Variants in KLRG1 observed in about 807,000 individuals in gnomAD.
The protein encoded by KLRG1 is killer cell lectin-like receptor subfamily G member 1.
A neutral mutation model predicts 21.8 loss-of-function variants in KLRG1; 16 were observed. The ratio of observed to expected loss-of-function variants is 0.73; its 90% CI spans 0.50 to 1.11. The LOEUF (loss-of-function observed/expected upper bound fraction) is 1.11. Ranked by LOEUF, KLRG1 falls within the 50% of genes most tolerant of loss-of-function variation. The probability of loss-of-function intolerance (pLI) is 0.00; values close to 1 mark genes in which losing one functional copy is unlikely to be tolerated. For missense variants in KLRG1, 173 were observed against 218.3 expected, an observed-to-expected ratio of 0.79 and a Z score of 1.31; for synonymous variants, 69 against 75.9, an observed-to-expected ratio of 0.91 and a Z score of 0.47.
the KLRG1 span, chr12:9,153,361 A>T: frequency 1.8e-5 from 28 of 1,595,998 alleles, no homozygotes; most frequent in East Asian, 6.3e-4. Flanking sequence ...AGACGAGTGG[A>T]CAACCGCCCC....
intron 3 of KLRG1, 102 bp from the exon 4 acceptor site, chr12:9,008,873 T>C: frequency 1.3e-6 from 1 of 743,684 alleles, no homozygotes; most frequent in Non-Finnish European, 2.3e-6. Flanking sequence ...AGTTTGTCTT[T>C]TAATTAATTA....
the KLRG1 span, chr12:9,106,521 T>C: frequency 6.3e-7 from 1 of 1,598,594 alleles, no homozygotes; most frequent in Admixed American, 1.7e-5. Context: ...TGGGCCTCAG[T>C]GTGAAGTTTC....
At chr12:9,185,277 G>A in the KLRG1 span, among the ~76,000 whole-genome samples, 5 of 152,272 alleles carry the variant, frequency 3.3e-5, no homozygotes, top group South Asian at 2.1e-4. Flanking sequence ...CAAGAATTTC[G>A]TAATGCAATC....
At chr12:8,977,785 TGA>T (rs1380503772) in intron 1 of KLRG1, among the ~76,000 whole-genome samples, 3 of 152,206 alleles carry the variant, frequency 2.0e-5, no homozygotes, top group Non-Finnish European at 2.9e-5. Context: ...TAATCTATTT[TGA>T]GTTGATAATT....
At chr12:9,067,515 G>A in the KLRG1 span, 4 of 440,562 alleles carry the variant, frequency 9.1e-6, no homozygotes, top group African/African-American at 8.0e-5. Flanking sequence ...CACTTTCCTA[G>A]TACATAACCC....
intron 1 of KLRG1, among the ~76,000 whole-genome samples, chr12:8,962,126 C>T (rs1946391976): frequency 6.6e-6 from 1 of 151,150 alleles, no homozygotes; most frequent in African/African-American, 2.4e-5. Flanking sequence ...TGATCTATAA[C>T]AAGGAGAAAA....
the KLRG1 span, among the ~76,000 whole-genome samples, chr12:9,075,757 T>G: frequency 6.2e-4 from 94 of 152,250 alleles, no homozygotes; most frequent in African/African-American, 2.0e-3. Context: ...TATAAGGAAA[T>G]CCATGGAATT....
chr12:9,025,440 C>G, the KLRG1 span, among the ~76,000 whole-genome samples: 9 of 152,238 alleles, frequency 5.9e-5, no homozygotes, highest in South Asian at 6.2e-4. Context: ...AGTTTGAGAT[C>G]AGTCTGGCCA....
the KLRG1 span, chr12:9,098,834 C>T: frequency 6.6e-7 from 1 of 1,507,696 alleles, no homozygotes. Flanking sequence ...GCAGAGTGTT[C>T]CTCATGTACA....
At chr12:9,118,399 C>G in the KLRG1 span, among the ~76,000 whole-genome samples, 1 of 152,176 alleles carries the variant, frequency 6.6e-6, no homozygotes, top group Non-Finnish European at 1.5e-5. Context: ...TCTGCGCTTC[C>G]CCTTTCTTCC....
chr12:9,153,103 C>G, the KLRG1 span: 3 of 1,612,136 alleles, frequency 1.9e-6, no homozygotes, highest in Non-Finnish European at 2.5e-6. Flanking sequence ...TGACTCTCAC[C>G]CATATAAGCT....
the KLRG1 span, among the ~76,000 whole-genome samples, chr12:9,084,688 C>G: frequency 6.6e-6 from 1 of 151,906 alleles, no homozygotes; most frequent in African/African-American, 2.4e-5. Flanking sequence ...TAATAATTAC[C>G]TTGAATGCAA....
chr12:9,080,161 T>A, the KLRG1 span: 1 of 1,583,810 alleles, frequency 6.3e-7, no homozygotes, highest in Non-Finnish European at 8.6e-7. Context: ...GGGATAATTC[T>A]TCAGAAACCT....
the KLRG1 span, among the ~76,000 whole-genome samples, chr12:9,097,223 G>A: frequency 6.6e-6 from 1 of 152,070 alleles, no homozygotes; most frequent in Non-Finnish European, 1.5e-5. Context: ...GCTTCCTTTA[G>A]AAGTATTCTA....
the KLRG1 span, among the ~76,000 whole-genome samples, chr12:9,125,859 C>T: frequency 6.6e-6 from 1 of 152,138 alleles, no homozygotes; most frequent in Non-Finnish European, 1.5e-5. Context: ...CTCAGCCTCC[C>T]AAGTAGCTGG....
chr12:9,096,120 T>G, the KLRG1 span, among the ~76,000 whole-genome samples: 3 of 152,220 alleles, frequency 2.0e-5, no homozygotes, highest in Admixed American at 2.0e-4. Context: ...CGTCTTTCTT[T>G]GAGCGCTCTC....
chr12:9,162,305 C>T, the KLRG1 span: 1 of 309,680 alleles, frequency 3.2e-6, no homozygotes, highest in Non-Finnish European at 5.9e-6. Context: ...CTCTAAGCTT[C>T]TGCAGCTGGG....
chr12:9,023,102 G>T, the KLRG1 span, among the ~76,000 whole-genome samples: 3 of 152,242 alleles, frequency 2.0e-5, no homozygotes, highest in Non-Finnish European at 4.4e-5. Context: ...AGGATACCTA[G>T]ATTTAGAGCC....
At chr12:9,113,638 T>G in the KLRG1 span, 1 of 1,223,436 alleles carries the variant, frequency 8.2e-7, no homozygotes, top group Non-Finnish European at 1.2e-6. Flanking sequence ...TCATCATCAG[T>G]TCTACACCAA....
Sources: gnomAD v4.1 joint callset for allele counts (sites outside exome capture counted in the v4.1 genomes callset) on GRCh38, gnomAD v4.1.1 for gene constraint, MANE v1.5 for transcripts, NCBI Gene and HGNC (gene_info 2026-07-23, HGNC 2026-07-21) for gene names.